The following ARHGAP21 variants were observed in gnomAD, a reference collection of about 807,000 sequenced individuals.
The protein encoded by ARHGAP21 is Rho GTPase activating protein 21, also known as rho GTPase-activating protein 21.
Under a neutral mutation model 164.6 loss-of-function variants are expected in ARHGAP21, and 38 were observed. That is an observed-to-expected ratio of 0.23 (90% CI 0.18 to 0.30). ARHGAP21 has a LOEUF of 0.30. Among genes scored for constraint, ARHGAP21 ranks in the 10% least tolerant of loss-of-function variants. The pLI, the probability that ARHGAP21 is intolerant of heterozygous loss-of-function variation, is 1.00. For missense variants in ARHGAP21, 1,822 were observed against 2,370.7 expected (o/e 0.77, Z 4.81); for synonymous variants, 766 against 857.9 (o/e 0.89, Z 1.87).
intron 25 of ARHGAP21, among the ~76,000 whole-genome samples, chr10:24,588,503 A>C (rs546318565): frequency 1.3e-5 from 2 of 152,152 alleles, no homozygotes; most frequent in South Asian, 4.2e-4. Context: ...ATGATAAAGC[A>C]TTTTTGTAAG....
rs1846154595 is a variant in ARHGAP21, at chr10:24,723,712, CGCCGCCCCCGGCCG to C, written c.-545_-532del. 6.8e-6 allele frequency: 1 copy of C among 147,930 alleles called. No homozygotes were observed. The highest frequency in any genetic ancestry group is 2.5e-5 in the African/African-American group (1 of 40,760). 9.2% of individuals were successfully genotyped at this position (147,930 alleles called of 1,614,324 possible). A position where few individuals can be genotyped will look rare whatever the true frequency, so the allele number is the denominator to read the frequency against. Reference sequence around the variant, plus strand: ...CGCCGCCGCCGCCGCGCTCCGAGGCCGCCGCCCCCGGCCGGCCGCTCCCAGGCACCGCCGCGACC... The same window carrying C: ...CGCCGCCGCCGCCGCGCTCCGAGGCCGCCGCTCCCAGGCACCGCCGCGACC... On this transcript the variant is annotated 5_prime_UTR_variant, in exon 1 of 26. Coordinates refer to ENST00000396432, the MANE Select transcript of ARHGAP21 (RefSeq NM_020824.4).
rs3748222 is a variant in ARHGAP21, at chr10:24,619,757, T to C, written c.2138A>G (p.Asn713Ser). The change falls in exon 9 of 26, where the codon AAT becomes AGT. Residue 713 changes from asparagine to serine, a missense_variant. Transcript: ENST00000396432. ...AGCCTCTTGTAAACTTAAATCTTGA[T>C]TCCTTTGACTGACAGGTAGTTCTAA... Reference protein sequence around the residue: ...SDLELPVSQRNQDLSLQEAET... With the variant: ...SDLELPVSQRSQDLSLQEAET... 0.51 allele frequency: 819,806 copies of C among 1,613,656 alleles called. 209,671 individuals carry two copies. Among genetic ancestry groups the C allele is most frequent in the Non-Finnish European group, 0.52 (613,886 of 1,179,872 alleles).
intron 2 of ARHGAP21, among the ~76,000 whole-genome samples, chr10:24,694,260 T>C (rs1842965212): frequency 6.6e-6 from 1 of 152,242 alleles, no homozygotes; most frequent in Non-Finnish European, 1.5e-5. Context: ...TAAATTCCCA[T>C]TCCCTATTGC....
intron 21 of ARHGAP21, 72 bp from the exon 22 acceptor site, chr10:24,592,084 G>C: frequency 1.5e-6 from 2 of 1,293,076 alleles, no homozygotes; most frequent in Middle Eastern, 2.0e-4. Context: ...GCCATTGTAG[G>C]ATTTTTGATG....
intron 2 of ARHGAP21, among the ~76,000 whole-genome samples, chr10:24,690,844 A>G (rs896467522): frequency 1.0e-4 from 15 of 150,372 alleles, no homozygotes; most frequent in African/African-American, 3.2e-4. Context: ...AAAAATATAT[A>G]TATATATATA....
At chr10:24,693,607 C>T in intron 2 of ARHGAP21, among the ~76,000 whole-genome samples, 1 of 152,140 alleles carries the variant, frequency 6.6e-6, no homozygotes, top group East Asian at 1.9e-4. Context: ...CCCGCCTCAG[C>T]CTCCCAAAGT....
chr10:24,670,248 G>T lies in ARHGAP21; in HGVS notation c.213C>A (p.Pro71=). 12 of 1,596,886 alleles carry T rather than the reference G, an allele frequency of 7.5e-6. No homozygotes were observed. Among genetic ancestry groups the T allele is most frequent in the Non-Finnish European group, 1.0e-5 (12 of 1,171,286 alleles). ...ATGAAAATTGAATTGCAGACTCTGG[G>T]GGATAAACAATAAAATGTCTTAATG... ...GFTLRHFIVY[P]PESAIQFSYK... The change falls in exon 3 of 26, where the codon CCC becomes CCA. Residue 71 remains proline (P), a synonymous_variant. Transcript: ENST00000396432.
rs778538598 is a variant in ARHGAP21 at position 24,630,066 on chromosome 10, A to G, written c.441-16T>C. 4 of 1,454,528 alleles carry G rather than the reference A, an allele frequency of 2.8e-6. No individual in the cohort carries two copies. In the East Asian group the frequency reaches 9.1e-5, roughly 33 times the overall value. The allele number at this position is 1,454,528 out of a possible 1,614,324, so 90.1% of individuals were successfully genotyped here. A position where few individuals can be genotyped will look rare whatever the true frequency, so the allele number is the denominator to read the frequency against. ...TGTTGTATCACTGAAATTGAATTAT[A>G]TACTATTTTAGGAGAGGTAGAAGTG... is the stretch of plus-strand genomic sequence containing the variant. On this transcript the variant is annotated splice_polypyrimidine_tract_variant and intron_variant, in intron 6 of 25. Transcript: ENST00000396432.
At chr10:24,684,830 G>A (rs1420248695) in intron 2 of ARHGAP21, among the ~76,000 whole-genome samples, 1 of 152,038 alleles carries the variant, frequency 6.6e-6, no homozygotes, top group Non-Finnish European at 1.5e-5. Context: ...GTAGAGACAG[G>A]GTTTCACCAC....
At chr10:24,719,972 G>T (rs2132338122) in intron 2 of ARHGAP21, among the ~76,000 whole-genome samples, 1 of 152,202 alleles carries the variant, frequency 6.6e-6, no homozygotes, top group Non-Finnish European at 1.5e-5. Flanking sequence ...TCTTTAGAAA[G>T]TCAAATAATA....
chr10:24,628,776 TATA>T (rs1835395997), intron 7 of ARHGAP21, among the ~76,000 whole-genome samples: 1 of 137,766 alleles, frequency 7.3e-6, no homozygotes, highest in Admixed American at 7.7e-5. Context: ...TGTGTGCATA[TATA>T]TATACACACA....
Position 24,619,541 on chromosome 10 carries a change from C to T in ARHGAP21, c.2354G>A (p.Arg785Lys), listed in dbSNP as rs1834337744. The change falls in exon 9 of 26, where the codon AGA (arginine) becomes AAA (lysine). Residue 785 changes from arginine (R) to lysine (K), a missense_variant. By Grantham distance (26) the Arg-to-Lys change is conservative. Transcript: ENST00000396432. ...NDARREVHIK[R>K]MEERKASSTS... Reference sequence around the variant, plus strand: ...ACTCGAGGCTTTTCTTTCCTCCATTCTTTTTATGTGGACCTCTCGACGTGC... The same window carrying T: ...ACTCGAGGCTTTTCTTTCCTCCATTTTTTTTATGTGGACCTCTCGACGTGC... 1 of 1,614,146 alleles carries T rather than the reference C, an allele frequency of 6.2e-7. No individual in the cohort carries two copies. Among genetic ancestry groups the T allele is most frequent in the South Asian group, 1.1e-5 (1 of 91,084 alleles).
intron 9 of ARHGAP21, among the ~76,000 whole-genome samples, chr10:24,616,019 C>A (rs1003367659): frequency 3.9e-5 from 6 of 152,260 alleles, no homozygotes; most frequent in African/African-American, 7.2e-5. Flanking sequence ...CTCAAGTGAT[C>A]TGACTGCCTC....
intron 4 of ARHGAP21, among the ~76,000 whole-genome samples, chr10:24,666,041 G>GT (rs1266930911): frequency 7.9e-5 from 12 of 151,954 alleles, no homozygotes; most frequent in Non-Finnish European, 1.5e-4. Context: ...GTTTTGTTTT[G>GT]TTTTTTGAGA....
intron 2 of ARHGAP21, among the ~76,000 whole-genome samples, chr10:24,682,923 C>T (rs1048797967): frequency 5.3e-5 from 8 of 151,782 alleles, no homozygotes; most frequent in Non-Finnish European, 8.8e-5. Context: ...GTGAAACCCC[C>T]GTCTCCACTA....
chr10:24,615,148 T>G (rs1364362318), intron 9 of ARHGAP21, among the ~76,000 whole-genome samples: 1 of 152,158 alleles, frequency 6.6e-6, no homozygotes, highest in Admixed American at 6.5e-5. Flanking sequence ...TGAGATCGTG[T>G]CATTGCACTC....
chr10:24,600,128 G>A lies in ARHGAP21; in HGVS notation c.3132+518C>T, dbSNP rs112306799. 7.2e-3 allele frequency among the ~76,000 whole-genome samples: 201 copies of A among 28,090 alleles called. 3 individuals carry two copies. The East Asian group carries it at 0.091, about 13-fold the overall frequency. 18.4% of individuals were successfully genotyped at this position (28,090 alleles called of 152,430 possible). A position where few individuals can be genotyped will look rare whatever the true frequency, so the allele number is the denominator to read the frequency against. On this transcript the variant is annotated intron_variant, in intron 14 of 25. Coordinates refer to ENST00000396432, the MANE Select transcript of ARHGAP21 (RefSeq NM_020824.4). ...AGCCTGGGCAACAGAGCAGGACTTCGTTTCAAAAAAAAAAAAAAAAAAGCT... is the reference window on the plus strand; with the variant it reads ...AGCCTGGGCAACAGAGCAGGACTTCATTTCAAAAAAAAAAAAAAAAAAGCT...
intron 2 of ARHGAP21, among the ~76,000 whole-genome samples, chr10:24,705,225 C>T (rs550837461): frequency 3.5e-4 from 53 of 152,320 alleles, no homozygotes; most frequent in African/African-American, 1.2e-3. Flanking sequence ...GTTTCAGCTT[C>T]GTTAGGCTCC....
chr10:24,723,735 C>G lies in ARHGAP21; in HGVS notation c.-554G>C, dbSNP rs1355013224. The G allele has an allele frequency of 1.4e-5, 2 of 146,602 alleles. No homozygotes were observed. The highest frequency in any genetic ancestry group is 3.0e-5 in the Non-Finnish European group (2 of 65,862). The allele number at this position is 146,602 out of a possible 1,614,324, so 9.1% of individuals were successfully genotyped here. A position where few individuals can be genotyped will look rare whatever the true frequency, so the allele number is the denominator to read the frequency against. ...GCCGCCGCCCCCGGCCGGCCGCTCC[C>G]AGGCACCGCCGCGACCTGCCCCGGC... On this transcript the variant is annotated 5_prime_UTR_variant, in exon 1 of 26. Coordinates refer to ENST00000396432, the MANE Select transcript of ARHGAP21 (RefSeq NM_020824.4).
Sources: allele counts gnomAD v4.1 joint callset (sites outside exome capture counted in the v4.1 genomes callset), GRCh38; gene constraint gnomAD v4.1.1; transcripts MANE v1.5; gene names NCBI Gene and HGNC (gene_info 2026-07-23, HGNC 2026-07-21).